The following UPRT variants were observed in gnomAD, a reference collection of about 807,000 sequenced individuals.
UPRT encodes uracil phosphoribosyltransferase homolog.
In UPRT, 5 loss-of-function variants were observed where a neutral mutation model predicts 22.6. The ratio of observed to expected loss-of-function variants is 0.22; its 90% CI spans 0.12 to 0.47. The LOEUF (loss-of-function observed/expected upper bound fraction) is 0.47, where lower values mean the gene tolerates loss of function less well. UPRT is among the 20% of genes least tolerant of loss of function. The pLI is 0.99. For synonymous variants in UPRT, 77 were observed against 87.7 expected (o/e 0.88, Z 0.68); for missense variants, 181 against 239.9 (o/e 0.75, Z 1.62).
intron 4 of UPRT, among the ~76,000 whole-genome samples, chrX:75,222,682 T>G (rs2082413629): frequency 9.0e-6 from 1 of 110,992 alleles, no homozygotes; most frequent in Non-Finnish European, 1.9e-5. Context: ...CAAGGGCTCT[T>G]TAGTCAGCCT....
rs199813620 is a variant in UPRT at position 75,244,258 on chromosome X, CATACTT to C, written c.-446-46765_-446-46760del. 9.7e-3 allele frequency among the ~76,000 whole-genome samples: 1,082 copies of C among 111,897 alleles called. 13 individuals carry two copies. The highest frequency in any genetic ancestry group is 0.033 in the African/African-American group (1,032 of 30,917). On this transcript the variant is annotated intron_variant, in intron 4 of 13. Coordinates refer to the UPRT transcript ENST00000652605. ...TGGGATATTCCTTTTACCTGTTACT[CATACTT>C]CTTTGAATCTCTGAATGTGTTGGTA... is the stretch of plus-strand genomic sequence containing the variant.
chrX:75,194,427 T>A (rs192363448), intron 4 of UPRT, among the ~76,000 whole-genome samples: 1 of 111,389 alleles, frequency 9.0e-6, no homozygotes, highest in Non-Finnish European at 1.9e-5. Flanking sequence ...CCTGGATCTG[T>A]CCTCATTTGC....
chrX:75,244,045 C>T (rs1439651711), intron 4 of UPRT, among the ~76,000 whole-genome samples: 1 of 111,392 alleles, frequency 9.0e-6, no homozygotes, highest in Non-Finnish European at 1.9e-5. Flanking sequence ...GGTTGCAATT[C>T]TTATCATCCA....
At chrX:75,267,329 C>G (rs2082593356) in intron 4 of UPRT, among the ~76,000 whole-genome samples, 1 of 111,299 alleles carries the variant, frequency 9.0e-6, no homozygotes, top group African/African-American at 3.3e-5. Context: ...CACAAGGACA[C>G]AAAACCAAAC....
At chrX:75,261,501 C>T (rs963865966) in intron 4 of UPRT, among the ~76,000 whole-genome samples, 13 of 111,599 alleles carry the variant, frequency 1.2e-4, no homozygotes, top group Non-Finnish European at 1.7e-4. Flanking sequence ...ACCAATAACA[C>T]GCTCTGAAAT....
At chrX:75,265,053 G>T (rs1013613402) in intron 4 of UPRT, among the ~76,000 whole-genome samples, 1 of 111,918 alleles carries the variant, frequency 8.9e-6, no homozygotes, top group African/African-American at 3.2e-5. Context: ...AGATCAGCTG[G>T]TAGTCTGATG....
At chrX:75,236,806 G>C (rs1341903156) in intron 4 of UPRT, among the ~76,000 whole-genome samples, 1 of 112,338 alleles carries the variant, frequency 8.9e-6, no homozygotes, top group Non-Finnish European at 1.9e-5. Context: ...ATTCAAGATG[G>C]ATTAAAGACT....
chrX:75,274,558 C>A lies in UPRT; in HGVS notation c.304C>A (p.Leu102Ile). The change falls in exon 1 of 7, where the codon CTC becomes ATC. Residue 102 changes from leucine to isoleucine, a missense_variant. Leu to Ile is a conservative substitution (Grantham distance 5). Coordinates refer to ENST00000373383, the MANE Select transcript of UPRT (RefSeq NM_145052.4). Reference protein sequence around the residue: ...AGNSFLEDCELSRQIGAQLKL... With the variant: ...AGNSFLEDCEISRQIGAQLKL... Reference sequence around the variant, plus strand: ...CAACTCCTTCCTAGAGGACTGCGAACTCTCCCGGCAGATCGGGGCGCAGCT... The same window carrying A: ...CAACTCCTTCCTAGAGGACTGCGAAATCTCCCGGCAGATCGGGGCGCAGCT... 1 of 1,211,211 alleles carries A rather than the reference C, an allele frequency of 8.3e-7. No individual in the cohort carries two copies. Among genetic ancestry groups the A allele is most frequent in the Non-Finnish European group, 1.1e-6 (1 of 895,265 alleles).
intron 4 of UPRT, among the ~76,000 whole-genome samples, chrX:75,180,107 A>G (rs1356814152): frequency 8.9e-6 from 1 of 112,510 alleles, no homozygotes; most frequent in Non-Finnish European, 1.9e-5. Flanking sequence ...CACCTGTTGA[A>G]TCTGCACACC....
rs755142511 is a variant in UPRT, at chrX:75,160,392, A to G, written c.-736-158A>G. ...GTTGTCAGTTAGCCCTCTTGTCTCT[A>G]TTGTATACCTCTTAACCTGGTTTAC... On this transcript the variant is annotated intron_variant, in intron 1 of 13. Transcript: ENST00000652605. Among the ~76,000 whole-genome samples the G allele has an allele frequency of 6.3e-5, 7 of 111,497 alleles. No individual in the cohort carries two copies. The South Asian group carries it at 1.9e-3, about 30-fold the overall frequency.
intron 4 of UPRT, among the ~76,000 whole-genome samples, chrX:75,256,614 G>C (rs2082550496): frequency 9.0e-6 from 1 of 110,998 alleles, no homozygotes; most frequent in Non-Finnish European, 1.9e-5. Flanking sequence ...AAATCGATAG[G>C]TCGTTAGCAA....
At chrX:75,215,513 T>C (rs1267329855) in intron 4 of UPRT, among the ~76,000 whole-genome samples, 3 of 111,502 alleles carry the variant, frequency 2.7e-5, no homozygotes, top group Non-Finnish European at 5.6e-5. Context: ...AAATTAATAA[T>C]ATCAGAAATG....
chrX:75,234,705 G>A (rs1255928077), intron 4 of UPRT, among the ~76,000 whole-genome samples: 3 of 111,040 alleles, frequency 2.7e-5, no homozygotes, highest in Non-Finnish European at 5.7e-5. Flanking sequence ...ATAACGAAAT[G>A]AAGGCAGAAA....
intron 4 of UPRT, among the ~76,000 whole-genome samples, chrX:75,252,068 G>A (rs1182483888): frequency 3.6e-5 from 4 of 112,130 alleles, no homozygotes; most frequent in Admixed American, 9.5e-5. Flanking sequence ...AATTCAAGAT[G>A]TATTAAAGAC....
intron 4 of UPRT, among the ~76,000 whole-genome samples, chrX:75,177,267 A>G (rs956592258): frequency 4.6e-5 from 5 of 109,459 alleles, no homozygotes; most frequent in African/African-American, 1.4e-4. Flanking sequence ...AGAACCCGCA[A>G]TGGTCCCTGG....
At position 75,183,722 on chromosome X, in the gene UPRT, G is replaced by C. The variant is rs1033879623; in HGVS notation, c.-447+15843G>C. 4.5e-5 allele frequency among the ~76,000 whole-genome samples: 5 copies of C among 112,109 alleles called. No homozygotes were observed. The East Asian group carries it at 8.4e-4, about 19-fold the overall frequency. On this transcript the variant is annotated intron_variant, in intron 4 of 13. Coordinates refer to the UPRT transcript ENST00000652605. ...TTTTTAATGATTGCCATTCTAACTG[G>C]TGTGACATGGTATCTCATTGTGGTT... is the stretch of plus-strand genomic sequence containing the variant.
chrX:75,264,446 C>G (rs1367683544), intron 4 of UPRT, among the ~76,000 whole-genome samples: 2 of 111,799 alleles, frequency 1.8e-5, no homozygotes, highest in Non-Finnish European at 3.8e-5. Context: ...GTTAGCTCTT[C>G]TTGTTGAATT....
chrX:75,216,807 T>C (rs2082394293), intron 4 of UPRT, among the ~76,000 whole-genome samples: 1 of 112,297 alleles, frequency 8.9e-6, no homozygotes, highest in African/African-American at 3.2e-5. Flanking sequence ...CAGGCTGGAG[T>C]GCAGCGGCGC....
intron 4 of UPRT, among the ~76,000 whole-genome samples, chrX:75,172,499 G>A (rs1349103891): frequency 8.9e-6 from 1 of 111,807 alleles, no homozygotes; most frequent in East Asian, 2.8e-4. Flanking sequence ...ACTTGCCCAG[G>A]CTACCAGCCT....
Sources: allele counts gnomAD v4.1 joint callset (sites outside exome capture counted in the v4.1 genomes callset), GRCh38; gene constraint gnomAD v4.1.1; transcripts MANE v1.5; gene names NCBI Gene and HGNC (gene_info 2026-07-23, HGNC 2026-07-21).